Variants in MAP3K21 observed in about 807,000 individuals in gnomAD.
The protein encoded by MAP3K21 is mitogen-activated protein kinase kinase kinase MLK4.
Under a neutral mutation model 86.1 loss-of-function variants are expected in MAP3K21, and 63 were observed. The observed-to-expected ratio is 0.73, with a 90% CI of 0.60 to 0.90. The LOEUF is 0.90. Ranked by LOEUF, MAP3K21 falls within the 40% of genes least tolerant of loss-of-function variation. The pLI is 0.00. For missense variants in MAP3K21, 1,220 were observed against 1,367.7 expected, an observed-to-expected ratio of 0.89 and a Z score of 1.70; for synonymous variants, 558 against 564.8, an observed-to-expected ratio of 0.99 and a Z score of 0.17.
At chr1:233,352,882 A>G (rs992404822) in intron 2 of MAP3K21, among the ~76,000 whole-genome samples, 1 of 152,248 alleles carries the variant, frequency 6.6e-6, no homozygotes, top group Admixed American at 6.5e-5. Context: ...AATAAGAGAA[A>G]ACTAAGGTAC....
At chr1:233,353,671 G>A in intron 2 of MAP3K21, 136 bp from the exon 3 acceptor site, 1 of 745,568 alleles carries the variant, frequency 1.3e-6, no homozygotes, top group South Asian at 4.7e-5. Flanking sequence ...TGGGATGTCA[G>A]CCATTTAGGG....
At chr1:233,352,423 T>C (rs1663267302) in intron 2 of MAP3K21, among the ~76,000 whole-genome samples, 1 of 151,960 alleles carries the variant, frequency 6.6e-6, no homozygotes, top group East Asian at 1.9e-4. Flanking sequence ...ATTCCTATTA[T>C]CTGGCTGTAA....
intron 1 of MAP3K21, among the ~76,000 whole-genome samples, chr1:233,330,591 C>T (rs1372742565): frequency 1.3e-5 from 2 of 152,180 alleles, no homozygotes; most frequent in African/African-American, 2.4e-5. Context: ...TTAAGGACAT[C>T]AACAGCACCA....
intron 5 of MAP3K21, among the ~76,000 whole-genome samples, chr1:233,363,856 A>G (rs925434089): frequency 7.3e-5 from 11 of 150,358 alleles, no homozygotes; most frequent in Middle Eastern, 7.1e-3. Context: ...AAATACAAAA[A>G]AAAAAAAATT....
chr1:233,372,201 T>C (rs1572255681), intron 6 of MAP3K21, 41 bp downstream of exon 6: 1 of 1,607,652 alleles, frequency 6.2e-7, no homozygotes, highest in South Asian at 1.1e-5. Context: ...TGTGTTGACT[T>C]CTCTCCTTTC....
intron 1 of MAP3K21, among the ~76,000 whole-genome samples, chr1:233,339,407 C>CCTCCTT (rs1662991491): frequency 1.0e-4 from 4 of 38,412 alleles, no homozygotes; most frequent in African/African-American, 3.4e-4. Context: ...TTCTCCTCCT[C>CCTCCTT]CTCCTCCTCC....
chr1:233,362,356 T>G (rs750677736), intron 5 of MAP3K21, 63 bp downstream of exon 5: 7 of 1,568,068 alleles, frequency 4.5e-6, no homozygotes, highest in Non-Finnish European at 5.2e-6. Context: ...TCAGTTTTCT[T>G]TGTTCATCAG....
Position 233,328,758 on chromosome 1 carries a change from A to G in MAP3K21, c.730A>G (p.Ile244Val), listed in dbSNP as rs1312349358. 5.9e-6 allele frequency: 9 copies of G among 1,532,578 alleles called. No individual in the cohort carries two copies. Among genetic ancestry groups the G allele is most frequent in the Non-Finnish European group, 7.9e-6 (9 of 1,138,756 alleles). 94.9% of individuals were successfully genotyped at this position (1,532,578 alleles called of 1,614,324 possible). ...CGTGCTGGTCAACTGGGCCGTGCAG[A>G]TAGCGCGGGGCATGCTCTACCTGCA... ...PHVLVNWAVQ[I>V]ARGMLYLHEE... Residue 244 changes from isoleucine to valine, a missense_variant, in exon 1 of 10, where the codon ATA becomes GTA. This residue lies in a region of MAP3K21 where 369 missense variants were observed against 385.3 expected (regional missense o/e 0.96). Transcript: ENST00000366624. This position sits in a 1 kb window ranked among gnomAD's most constrained non-coding sequence, Gnocchi z 8.7.
intron 1 of MAP3K21, among the ~76,000 whole-genome samples, chr1:233,337,985 T>TA (rs1662948903): frequency 6.6e-6 from 1 of 151,720 alleles, no homozygotes; most frequent in Admixed American, 6.6e-5. Flanking sequence ...TTGTATTAAA[T>TA]ATGTTATGTT....
Position 233,376,503 on chromosome 1 carries a change from G to T in MAP3K21, c.1900G>T (p.Ala634Ser), listed in dbSNP as rs1418321967. 2.5e-6 allele frequency: 4 copies of T among 1,613,456 alleles called. No individual in the cohort carries two copies. Among genetic ancestry groups the T allele is most frequent in the Admixed American group, 1.7e-5 (1 of 59,912 alleles). ...AAAAAATCAGAAAACCATGCCCTTG[G>T]CTTCATTGTTTGTGGACCAGCCAGG... ...LIKNQKTMPLASLFVDQPGSC... is the reference protein window; with the variant it reads ...LIKNQKTMPLSSLFVDQPGSC... Residue 634 changes from alanine (A) to serine (S), a missense_variant, in exon 8 of 10, where the codon GCT becomes TCT. Transcript: ENST00000366624.
intron 1 of MAP3K21, among the ~76,000 whole-genome samples, chr1:233,334,120 C>T (rs1273618091): frequency 6.6e-6 from 1 of 150,978 alleles, no homozygotes; most frequent in Non-Finnish European, 1.5e-5. Flanking sequence ...CCGCCTCGGC[C>T]GCCCAAAGTA....
chr1:233,360,686 C>T (rs913893121), intron 4 of MAP3K21, among the ~76,000 whole-genome samples: 4 of 152,140 alleles, frequency 2.6e-5, no homozygotes, highest in Admixed American at 2.6e-4. Flanking sequence ...GATAATTGTA[C>T]TGATAGGCTC....
intron 1 of MAP3K21, among the ~76,000 whole-genome samples, chr1:233,340,480 GC>G (rs2102760995): frequency 6.6e-6 from 1 of 152,246 alleles, no homozygotes; most frequent in African/African-American, 2.4e-5. Flanking sequence ...ACAAAAGAGA[GC>G]TGGAAGGATC....
chr1:233,339,398 T>TCTCCTCCTCCTCCTCCTCCTC (rs1296666890), intron 1 of MAP3K21, among the ~76,000 whole-genome samples: 1 of 102,732 alleles, frequency 9.7e-6, no homozygotes, highest in Non-Finnish European at 2.1e-5. Context: ...TTCTCCTCCT[T>TCTCCTCCTCCTCCTCCTCCTC]CTCCTCCTCC....
At chr1:233,364,413 A>G (rs1192010371) in intron 5 of MAP3K21, among the ~76,000 whole-genome samples, 3 of 152,168 alleles carry the variant, frequency 2.0e-5, no homozygotes, top group Non-Finnish European at 4.4e-5. Context: ...GTGTTATCCA[A>G]ATTAATATTT....
intron 5 of MAP3K21, among the ~76,000 whole-genome samples, chr1:233,370,655 A>G (rs1032600392): frequency 2.6e-5 from 4 of 152,242 alleles, no homozygotes; most frequent in African/African-American, 9.6e-5. Context: ...AAATGAACAT[A>G]TGTCAAAGAT....
chr1:233,346,950 A>G (rs762759865), intron 2 of MAP3K21, among the ~76,000 whole-genome samples: 1 of 152,182 alleles, frequency 6.6e-6, no homozygotes, highest in Non-Finnish European at 1.5e-5. Flanking sequence ...ATCATGGCTC[A>G]TTGTAGCCTC....
chr1:233,329,579 G>T (rs1196111286), intron 1 of MAP3K21, among the ~76,000 whole-genome samples: 1 of 152,056 alleles, frequency 6.6e-6, no homozygotes, highest in Non-Finnish European at 1.5e-5. Flanking sequence ...ACTTGAACCC[G>T]GGAGGCGGAA....
intron 5 of MAP3K21, 52 bp from the exon 6 acceptor site, chr1:233,371,986 G>A: frequency 6.3e-7 from 1 of 1,582,718 alleles, no homozygotes; most frequent in Admixed American, 1.7e-5. Context: ...ACATGGCTAT[G>A]AAGATAAAGG....
Sources: gnomAD v4.1 joint callset for allele counts (sites outside exome capture counted in the v4.1 genomes callset) on GRCh38, gnomAD v4.1.1 for gene constraint, gnomAD v4.1.1 regional missense constraint, Gnocchi (gnomAD v3.1) non-coding constraint, MANE v1.5 for transcripts, NCBI Gene and HGNC (gene_info 2026-07-23, HGNC 2026-07-21) for gene names.